STX8: variants seen among roughly 807,000 people sequenced by gnomAD.
STX8 encodes the protein syntaxin 8, also known as syntaxin-8.
Under a neutral mutation model 37.5 loss-of-function variants are expected in STX8, and 23 were observed. The ratio of observed to expected loss-of-function variants is 0.61; its 90% CI spans 0.44 to 0.87. The LOEUF (loss-of-function observed/expected upper bound fraction) is 0.87, where lower values mean the gene tolerates loss of function less well. Ranked by LOEUF, STX8 falls within the 40% of genes least tolerant of loss-of-function variation. The pLI is 0.00. For synonymous variants in STX8, 115 were observed against 99.1 expected (o/e 1.16, Z -0.95); for missense variants, 313 against 284.7 (o/e 1.10, Z -0.71).
chr17:9,568,472 T>C lies in STX8; in HGVS notation c.18-2A>G, dbSNP rs768569818. The stretch of plus-strand genomic sequence containing the variant: ...CAAGTAGAATCGTATGTGGAGAACC[T>C]GCACCAAAGTCGTAAAAAGAGAAAA... On this transcript the variant is annotated splice_acceptor_variant, in intron 1 of 7. Transcript: ENST00000306357. LOFTEE classifies it high-confidence loss of function. The C allele has an allele frequency of 1.3e-5, 21 of 1,608,754 alleles. No homozygotes were observed. Among genetic ancestry groups the C allele is most frequent in the Admixed American group, 1.7e-5 (1 of 59,314 alleles).
At position 9,339,525 on chromosome 17, in the gene STX8, G is replaced by T. The variant is rs1324378682; in HGVS notation, c.643+39027C>A. Among the ~76,000 whole-genome samples, 15 of 152,046 alleles carry T rather than the reference G, an allele frequency of 9.9e-5. 1 individual carries two copies. The highest frequency in any genetic ancestry group is 1.5e-4 in the Non-Finnish European group (10 of 68,012). On this transcript the variant is annotated intron_variant, in intron 7 of 7. Transcript: ENST00000306357. Reference sequence around the variant, plus strand: ...AAAAATTAGCCAGGCGTCATGGCAGGTGCCTGTAATCCCAGCTACTTGGGA... The same window carrying T: ...AAAAATTAGCCAGGCGTCATGGCAGTTGCCTGTAATCCCAGCTACTTGGGA...
At chr17:9,323,397 T>A (rs144541979) in intron 7 of STX8, among the ~76,000 whole-genome samples, 423 of 152,336 alleles carry the variant, frequency 2.8e-3, no homozygotes, top group African/African-American at 8.7e-3. Flanking sequence ...TCAAGAGCTA[T>A]GATTTTTAAA....
chr17:9,500,693 A>G (rs1904577550), intron 5 of STX8, among the ~76,000 whole-genome samples: 1 of 152,220 alleles, frequency 6.6e-6, no homozygotes, highest in South Asian at 2.1e-4. Flanking sequence ...GATATTTTAA[A>G]AATGCTACTT....
At chr17:9,485,100 G>A (rs1365529354) in intron 6 of STX8, among the ~76,000 whole-genome samples, 4 of 149,932 alleles carry the variant, frequency 2.7e-5, no homozygotes, top group African/African-American at 4.9e-5. Flanking sequence ...TCCAGCCTGA[G>A]CAACATGCCA....
intron 6 of STX8, among the ~76,000 whole-genome samples, chr17:9,402,789 G>A (rs1912669820): frequency 2.0e-5 from 3 of 152,178 alleles, no homozygotes; most frequent in South Asian, 4.1e-4. Context: ...GCAGCAGAGG[G>A]CGATAGAGGG....
In STX8 at chr17:9,270,543, C is replaced by T. The variant is rs894614568; in HGVS notation, c.644-19898G>A. Among the ~76,000 whole-genome samples, 8 of 152,066 alleles carry T rather than the reference C, an allele frequency of 5.3e-5. No individual in the cohort carries two copies. In the East Asian group the frequency reaches 7.7e-4, roughly 15 times the overall value. On this transcript the variant is annotated intron_variant, in intron 7 of 7. Coordinates refer to ENST00000306357, the MANE Select transcript of STX8 (RefSeq NM_004853.3). ...TGCTGGGATTACAGGCGTGAGCAAC[C>T]GTGCCCAGTCTCAAAGGACTTTCTT...
In STX8 at chr17:9,250,657, C is replaced by T. The variant is rs749919502; in HGVS notation, c.644-12G>A. The T allele has an allele frequency of 5.9e-5, 94 of 1,586,172 alleles. No homozygotes were observed. The highest frequency in any genetic ancestry group is 7.6e-5 in the Non-Finnish European group (88 of 1,165,476). ...CACCATGATCATCCCTGGAAAAAAGCAGCAGAAAATACTACTTTTAATGAT... is the reference window on the plus strand; with the variant it reads ...CACCATGATCATCCCTGGAAAAAAGTAGCAGAAAATACTACTTTTAATGAT... On this transcript the variant is annotated splice_polypyrimidine_tract_variant and intron_variant, in intron 7 of 7. Transcript: ENST00000306357.
At chr17:9,452,651 G>A (rs147092005) in intron 6 of STX8, 1 of 152,312 alleles carries the variant, frequency 6.6e-6, no homozygotes, top group African/African-American at 2.4e-5. Context: ...GGGTTCTCAG[G>A]TGTAGGCGAG....
intron 7 of STX8, among the ~76,000 whole-genome samples, chr17:9,327,508 G>A (rs1308673893): frequency 6.6e-6 from 1 of 152,128 alleles, no homozygotes; most frequent in Non-Finnish European, 1.5e-5. Context: ...GGACAACAAG[G>A]GGTATGATCT....
chr17:9,336,301 G>A (rs1310169938), intron 7 of STX8, among the ~76,000 whole-genome samples: 2 of 152,120 alleles, frequency 1.3e-5, no homozygotes, highest in Non-Finnish European at 2.9e-5. Flanking sequence ...CTTCACAGGT[G>A]GATAGGTGCA....
At chr17:9,254,404 A>C (rs779239100) in intron 7 of STX8, among the ~76,000 whole-genome samples, 1 of 151,700 alleles carries the variant, frequency 6.6e-6, no homozygotes, top group African/African-American at 2.4e-5. Context: ...ACTCTTATTA[A>C]ATCTTTTTTT....
chr17:9,296,121 C>T (rs1567772679), intron 7 of STX8, among the ~76,000 whole-genome samples: 2 of 152,038 alleles, frequency 1.3e-5, no homozygotes, highest in Non-Finnish European at 2.9e-5. Flanking sequence ...ACCCGGGAGG[C>T]GGAGATTGCA....
chr17:9,321,673 C>G (rs1288747076), intron 7 of STX8, among the ~76,000 whole-genome samples: 2 of 151,798 alleles, frequency 1.3e-5, no homozygotes, highest in African/African-American at 2.4e-5. Flanking sequence ...GTGCACACCA[C>G]CACCCTGGCT....
intron 7 of STX8, among the ~76,000 whole-genome samples, chr17:9,359,473 T>C (rs1029618287): frequency 1.3e-5 from 2 of 150,734 alleles, no homozygotes; most frequent in South Asian, 2.1e-4. Context: ...AACTTAAGAG[T>C]TTTCCTGGTA....
At chr17:9,549,164 G>GAGTC (rs1906664815) in intron 3 of STX8, among the ~76,000 whole-genome samples, 1 of 152,172 alleles carries the variant, frequency 6.6e-6, no homozygotes, top group African/African-American at 2.4e-5. Context: ...AGAGAAAGAG[G>GAGTC]AGTCATTGGT....
chr17:9,522,513 C>G lies in STX8; in HGVS notation c.324-17351G>C, dbSNP rs565450268. 1.5e-4 allele frequency among the ~76,000 whole-genome samples: 21 copies of G among 136,598 alleles called. No homozygotes were observed. The South Asian group carries it at 4.9e-3, about 32-fold the overall frequency. 89.6% of individuals were successfully genotyped at this position (136,598 alleles called of 152,430 possible). ...GAGATAGAGACCATCCAGGCTAACA[C>G]GGTGAAACTCCGTCTCTACTAAAAA... On this transcript the variant is annotated intron_variant, in intron 4 of 7. Transcript: ENST00000306357.
intron 6 of STX8, among the ~76,000 whole-genome samples, chr17:9,481,792 AT>A (rs1396681334): frequency 6.6e-6 from 1 of 152,128 alleles, no homozygotes; most frequent in Non-Finnish European, 1.5e-5. Flanking sequence ...GTGGCATTAG[AT>A]TCTCATAGGA....
chr17:9,475,084 G>T (rs1440554206), intron 6 of STX8, among the ~76,000 whole-genome samples: 1 of 152,168 alleles, frequency 6.6e-6, no homozygotes, highest in East Asian at 1.9e-4. Context: ...ATGCAAAAGA[G>T]AGAGACTTTG....
At chr17:9,477,334 T>C (rs1906146420) in intron 6 of STX8, among the ~76,000 whole-genome samples, 1 of 152,180 alleles carries the variant, frequency 6.6e-6, no homozygotes, top group Non-Finnish European at 1.5e-5. Context: ...ATTCAGCCCA[T>C]AGCAGCATAA....
Sources: allele counts gnomAD v4.1 joint callset (sites outside exome capture counted in the v4.1 genomes callset), GRCh38; gene constraint gnomAD v4.1.1; transcripts MANE v1.5; gene names NCBI Gene and HGNC (gene_info 2026-07-23, HGNC 2026-07-21).